Variants in SUCLG2 observed in about 807,000 individuals in gnomAD.
SUCLG2 encodes succinate-CoA ligase GDP-forming subunit beta.
In SUCLG2, 42 loss-of-function variants were observed where a neutral mutation model predicts 47.9. That is an observed-to-expected ratio of 0.88 (90% CI 0.69 to 1.14). The LOEUF is 1.14. SUCLG2 is among the 50% of genes most tolerant of loss of function. SUCLG2 has a pLI of 0.00. For synonymous variants in SUCLG2, 195 were observed against 197.3 expected, an observed-to-expected ratio of 0.99 and a Z score of 0.10; for missense variants, 571 against 525.9, an observed-to-expected ratio of 1.09 and a Z score of -0.84.
At chr3:67,407,961 T>G (rs1702852780) in intron 9 of SUCLG2, among the ~76,000 whole-genome samples, 2 of 152,178 alleles carry the variant, frequency 1.3e-5, no homozygotes. Context: ...GGATAATTGA[T>G]GTTTGTATGC....
In SUCLG2 at chr3:67,477,748, C is replaced by G. The variant is rs116219685; in HGVS notation, c.1062+18050G>C. 7.2e-3 allele frequency among the ~76,000 whole-genome samples: 1,098 copies of G among 152,252 alleles called. 18 individuals carry two copies. Among genetic ancestry groups the G allele is most frequent in the African/African-American group, 0.024 (1,005 of 41,542 alleles). On this transcript the variant is annotated intron_variant, in intron 9 of 10. Transcript: ENST00000307227. Reference sequence around the variant, plus strand: ...TACTAAGTCTGTCTGACCCACGACACTGTATGCTCCATACAATTAGGAATT... The same window carrying G: ...TACTAAGTCTGTCTGACCCACGACAGTGTATGCTCCATACAATTAGGAATT...
At chr3:67,581,135 ATC>A (rs1707868421) in intron 2 of SUCLG2, among the ~76,000 whole-genome samples, 1 of 152,348 alleles carries the variant, frequency 6.6e-6, no homozygotes, top group South Asian at 2.1e-4. Context: ...TCACACATGT[ATC>A]TCTGTGTGCT....
At position 67,609,603 on chromosome 3, in the gene SUCLG2, A is replaced by T; in HGVS notation, c.85-7T>A. ...TGGAGGTTAATTGAACTGCCTACAG[A>T]AATTGAAGGAGAGAGGTAAGAACAT... is the stretch of plus-strand genomic sequence containing the variant. On this transcript the variant is annotated splice_region_variant and splice_polypyrimidine_tract_variant and intron_variant, in intron 1 of 10. Coordinates refer to ENST00000307227, the MANE Select transcript of SUCLG2 (RefSeq NM_003848.4). The T allele has an allele frequency of 6.2e-7, 1 of 1,612,272 alleles. No individual in the cohort carries two copies. Among genetic ancestry groups the T allele is most frequent in the Non-Finnish European group, 8.5e-7 (1 of 1,179,454 alleles).
intron 2 of SUCLG2, among the ~76,000 whole-genome samples, chr3:67,591,665 T>G (rs1377531131): frequency 6.6e-6 from 1 of 152,230 alleles, no homozygotes; most frequent in African/African-American, 2.4e-5. Flanking sequence ...CCCAGCCATG[T>G]GGAACTGTAA....
At chr3:67,409,924 T>A (rs1702897491) in intron 9 of SUCLG2, among the ~76,000 whole-genome samples, 3 of 152,318 alleles carry the variant, frequency 2.0e-5, no homozygotes, top group African/African-American at 7.2e-5. Flanking sequence ...AGGATCTGTT[T>A]CCTTAAATCA....
At position 67,374,839 on chromosome 3, in the gene SUCLG2, A is replaced by C. The variant is rs939644372; in HGVS notation, c.*905T>G. The C allele has an allele frequency of 7.1e-6, 7 of 983,892 alleles. No homozygotes were observed. The highest frequency in any genetic ancestry group is 4.7e-5 in the South Asian group (1 of 21,188). The allele number at this position is 983,892 out of a possible 1,614,324, so 60.9% of individuals were successfully genotyped here. On this transcript the variant is annotated 3_prime_UTR_variant, in exon 11 of 11. Transcript: ENST00000307227. ...AAATTGGACATCATGGAAAAAAAAA[A>C]CACATTCAAATAAGGTTCCCATCTT...
intron 7 of SUCLG2, among the ~76,000 whole-genome samples, chr3:67,502,735 A>C (rs1705531559): frequency 6.6e-6 from 1 of 152,246 alleles, no homozygotes; most frequent in Non-Finnish European, 1.5e-5. Flanking sequence ...TGTTTAGAGC[A>C]AATCTAAGCA....
intron 9 of SUCLG2, among the ~76,000 whole-genome samples, chr3:67,475,482 T>G (rs990147019): frequency 6.6e-6 from 1 of 152,144 alleles, no homozygotes; most frequent in African/African-American, 2.4e-5. Flanking sequence ...CTAAGGGACA[T>G]GCAGAAATTA....
At chr3:67,460,663 T>G (rs1298543346) in intron 9 of SUCLG2, among the ~76,000 whole-genome samples, 1 of 152,140 alleles carries the variant, frequency 6.6e-6, no homozygotes, top group Non-Finnish European at 1.5e-5. Flanking sequence ...ACTGTAATAT[T>G]GAATCAATGG....
chr3:67,376,615 C>A (rs1363911745), intron 10 of SUCLG2: 1 of 617,592 alleles, frequency 1.6e-6, no homozygotes, highest in Non-Finnish European at 2.0e-6. Context: ...TAAACAAAGA[C>A]CTTGAAATAT....
At chr3:67,389,098 G>A (rs548299128) in intron 10 of SUCLG2, among the ~76,000 whole-genome samples, 3 of 152,154 alleles carry the variant, frequency 2.0e-5, no homozygotes, top group Admixed American at 6.5e-5. Context: ...AGTAGGTACC[G>A]AGTCAATGAC....
chr3:67,600,895 T>C (rs1172820598), intron 2 of SUCLG2, among the ~76,000 whole-genome samples: 2 of 152,142 alleles, frequency 1.3e-5, no homozygotes, highest in Admixed American at 6.5e-5. Context: ...GCTAGATTTG[T>C]ATGTGAATAG....
At chr3:67,609,862 A>G (rs953808850) in intron 1 of SUCLG2, among the ~76,000 whole-genome samples, 2 of 152,232 alleles carry the variant, frequency 1.3e-5, no homozygotes, top group Non-Finnish European at 2.9e-5. Context: ...AGTTAACAGT[A>G]ATACACAAAT....
intron 2 of SUCLG2, among the ~76,000 whole-genome samples, chr3:67,556,021 T>C (rs983374754): frequency 3.3e-5 from 5 of 152,226 alleles, no homozygotes; most frequent in Non-Finnish European, 7.3e-5. Context: ...GGGGACCTGA[T>C]TCTGGCCATG....
At chr3:67,522,599 A>C (rs1706138207) in intron 4 of SUCLG2, among the ~76,000 whole-genome samples, 1 of 151,972 alleles carries the variant, frequency 6.6e-6, no homozygotes, top group South Asian at 2.1e-4. Context: ...ATATAAAAAC[A>C]ATCCCATAAA....
chr3:67,373,036 CAGATCT>C (rs1345005523), downstream of SUCLG2, among the ~76,000 whole-genome samples: 1 of 152,108 alleles, frequency 6.6e-6, no homozygotes, highest in Non-Finnish European at 1.5e-5. Context: ...TTGCCAACTC[CAGATCT>C]AGAAAAATAT....
intron 10 of SUCLG2, among the ~76,000 whole-genome samples, chr3:67,386,499 T>C (rs1702264048): frequency 6.6e-6 from 1 of 152,256 alleles, no homozygotes; most frequent in Admixed American, 6.5e-5. Context: ...ACTGGGTAAT[T>C]GATAAAGGAA....
chr3:67,601,807 C>T (rs1218610856), intron 2 of SUCLG2, among the ~76,000 whole-genome samples: 2 of 152,008 alleles, frequency 1.3e-5, no homozygotes, highest in South Asian at 2.1e-4. Context: ...CATGGCGAAA[C>T]CCCGTGTCTA....
chr3:67,376,287 C>T, intron 10 of SUCLG2: 1 of 985,464 alleles, frequency 1.0e-6, no homozygotes, highest in Non-Finnish European at 1.2e-6. Flanking sequence ...GCTTTGGAGA[C>T]TCTGGCGCAT....
Sources: gnomAD v4.1 joint callset for allele counts (sites outside exome capture counted in the v4.1 genomes callset) on GRCh38, gnomAD v4.1.1 for gene constraint, MANE v1.5 for transcripts, NCBI Gene and HGNC (gene_info 2026-07-23, HGNC 2026-07-21) for gene names.